Variants in TRIM67 observed in about 807,000 individuals in gnomAD.
The protein encoded by TRIM67 is tripartite motif containing 67, also known as tripartite motif-containing protein 67.
TRIM67 carries 39 observed loss-of-function variants against 71.0 expected under a neutral mutation model. The observed-to-expected ratio is 0.55, with a 90% CI of 0.43 to 0.72. The LOEUF (loss-of-function observed/expected upper bound fraction) is 0.72. TRIM67 is among the 30% of genes least tolerant of loss of function. The pLI, the probability that TRIM67 is intolerant of heterozygous loss-of-function variation, is 0.00. For missense variants in TRIM67, 973 were observed against 1,079.2 expected, an observed-to-expected ratio of 0.90 and a Z score of 1.38; for synonymous variants, 481 against 473.9, an observed-to-expected ratio of 1.01 and a Z score of -0.19.
At position 231,167,458 on chromosome 1, in the gene TRIM67, G is replaced by A. The variant is rs1163000804; in HGVS notation, c.1044+3445G>A. Among the ~76,000 whole-genome samples, 5 of 123,912 alleles carry A rather than the reference G, an allele frequency of 4.0e-5. 1 individual carries two copies. Among genetic ancestry groups the A allele is most frequent in the Middle Eastern group, 3.4e-3 (1 of 296 alleles). 81.3% of individuals were successfully genotyped at this position (123,912 alleles called of 152,430 possible). On this transcript the variant is annotated intron_variant, in intron 1 of 9. Coordinates refer to ENST00000366653, the MANE Select transcript of TRIM67 (RefSeq NM_001004342.5). ...CCGCCTCAGCCTCCCAAGTAGCTGG[G>A]ACTACAGGCGCCCGCCACTACGCCC...
At chr1:231,193,549 T>TCTCTCC (rs1491266382) in intron 1 of TRIM67, among the ~76,000 whole-genome samples, 3 of 146,008 alleles carry the variant, frequency 2.1e-5, no homozygotes, top group Non-Finnish European at 3.0e-5. Flanking sequence ...TCTCTCTCTC[T>TCTCTCC]CCTCTTGGTG....
chr1:231,220,120 C>A lies in TRIM67; in HGVS notation c.*4680C>A. 2 of 466,526 alleles carry A rather than the reference C, an allele frequency of 4.3e-6. No homozygotes were observed. Among genetic ancestry groups the A allele is most frequent in the Non-Finnish European group, 7.5e-6 (2 of 267,734 alleles). The allele number at this position is 466,526 out of a possible 1,614,324, so 28.9% of individuals were successfully genotyped here. A position where few individuals can be genotyped will look rare whatever the true frequency, so the allele number is the denominator to read the frequency against. On this transcript the variant is annotated 3_prime_UTR_variant, in exon 10 of 10. Coordinates refer to ENST00000366653, the MANE Select transcript of TRIM67 (RefSeq NM_001004342.5). ...AAAGAAAAAAAGTGCAGTCTTTCAT[C>A]TCTGGCATCTAAGCTAATGATTCCC... is the stretch of plus-strand genomic sequence containing the variant.
At position 231,221,469 on chromosome 1, in the gene TRIM67, A is replaced by G. The variant is rs1226679398; in HGVS notation, c.*6029A>G. 6.6e-6 allele frequency: 1 copy of G among 152,670 alleles called. No individual in the cohort carries two copies. The highest frequency in any genetic ancestry group is 1.5e-5 in the Non-Finnish European group (1 of 68,042). 9.5% of individuals were successfully genotyped at this position (152,670 alleles called of 1,614,324 possible). A position where few individuals can be genotyped will look rare whatever the true frequency, so the allele number is the denominator to read the frequency against. On this transcript the variant is annotated 3_prime_UTR_variant, in exon 10 of 10. Coordinates refer to ENST00000366653, the MANE Select transcript of TRIM67 (RefSeq NM_001004342.5). ...CTGTGTTTTCTGGTCTTTGGGGGTTAGTTGAACTTTCTGTATTACCTTTTG... is the reference window on the plus strand; with the variant it reads ...CTGTGTTTTCTGGTCTTTGGGGGTTGGTTGAACTTTCTGTATTACCTTTTG...
At chr1:231,187,424 C>A in intron 1 of TRIM67, 1 of 1,112,654 alleles carries the variant, frequency 9.0e-7, no homozygotes, top group Non-Finnish European at 1.2e-6. Context: ...ATTTACATTT[C>A]TCATTTATTT....
intron 1 of TRIM67, among the ~76,000 whole-genome samples, chr1:231,173,707 T>C (rs1181600456): frequency 1.3e-5 from 2 of 152,184 alleles, no homozygotes; most frequent in East Asian, 1.9e-4. Context: ...TTGAATTTAA[T>C]AGTAAGTGCT....
chr1:231,205,759 T>A (rs887201132), intron 6 of TRIM67, among the ~76,000 whole-genome samples: 12 of 150,172 alleles, frequency 8.0e-5, no homozygotes, highest in Non-Finnish European at 1.8e-4. Context: ...AAGAAAAGTA[T>A]CTTTGAGGCC....
chr1:231,211,666 G>A (rs4658903), intron 8 of TRIM67, among the ~76,000 whole-genome samples: 167 of 152,248 alleles, frequency 1.1e-3, no homozygotes, highest in Non-Finnish European at 1.9e-3. Context: ...GTGAATCCTC[G>A]CTGCTCACCT....
At chr1:231,165,329 G>A (rs1286775388) in intron 1 of TRIM67, among the ~76,000 whole-genome samples, 5 of 152,192 alleles carry the variant, frequency 3.3e-5, no homozygotes, top group Non-Finnish European at 5.9e-5. Flanking sequence ...AGCTGTATGA[G>A]TCTAGGCACA....
At position 231,219,717 on chromosome 1, in the gene TRIM67, C is replaced by T. The variant is rs186444414; in HGVS notation, c.*4277C>T. 1.2e-5 allele frequency: 14 copies of T among 1,187,018 alleles called. No homozygotes were observed. In the East Asian group the frequency reaches 6.5e-4, roughly 55 times the overall value. 73.5% of individuals were successfully genotyped at this position (1,187,018 alleles called of 1,614,324 possible). On this transcript the variant is annotated 3_prime_UTR_variant, in exon 10 of 10. Coordinates refer to ENST00000366653, the MANE Select transcript of TRIM67 (RefSeq NM_001004342.5). ...TCAATTGGTTTTTAAAAAAATCTAA[C>T]AGATCTTATTGGCAAATATTCAAGA... is the stretch of plus-strand genomic sequence containing the variant.
chr1:231,213,697 C>G, intron 8 of TRIM67, 118 bp from the exon 9 acceptor site: 1 of 1,311,802 alleles, frequency 7.6e-7, no homozygotes, highest in Non-Finnish European at 1.0e-6. Flanking sequence ...CGTCACTGCA[C>G]TCCAGCCTGG....
chr1:231,209,360 A>T lies in TRIM67; in HGVS notation c.2123+110A>T. On this transcript the variant is annotated intron_variant, in intron 8 of 9. Transcript: ENST00000366653. The surrounding 1 kb of genome is among the most constrained non-coding windows in gnomAD (Gnocchi z 4.1). ...CCCAAAGCCAGGAGGAATTGAGAGG[A>T]GGTATTTTCAGCCACTTTGGTCTCC... The T allele has an allele frequency of 8.0e-7, 1 of 1,250,568 alleles. No individual in the cohort carries two copies. Among genetic ancestry groups the T allele is most frequent in the East Asian group, 2.7e-5 (1 of 37,500 alleles). 77.5% of individuals were successfully genotyped at this position (1,250,568 alleles called of 1,614,324 possible).
intron 1 of TRIM67, among the ~76,000 whole-genome samples, chr1:231,169,252 GC>G: frequency 6.6e-6 from 1 of 150,942 alleles, no homozygotes; most frequent in Non-Finnish European, 1.5e-5. Context: ...ACAGGGTTTT[GC>G]CATGTTGGCC....
intron 1 of TRIM67, among the ~76,000 whole-genome samples, chr1:231,193,830 G>A (rs938023757): frequency 2.0e-5 from 3 of 152,106 alleles, no homozygotes; most frequent in African/African-American, 4.8e-5. Flanking sequence ...ACCAGTTCTC[G>A]TGGGGACTAA....
rs1340845792 is a variant in TRIM67, at chr1:231,220,639, TGA to T, written c.*5200_*5201del. 2 of 152,300 alleles carry T rather than the reference TGA, an allele frequency of 1.3e-5. No individual in the cohort carries two copies. Among genetic ancestry groups the T allele is most frequent in the Admixed American group, 6.5e-5 (1 of 15,290 alleles). The allele number at this position is 152,300 out of a possible 1,614,324, so 9.4% of individuals were successfully genotyped here. On this transcript the variant is annotated 3_prime_UTR_variant, in exon 10 of 10. Coordinates refer to ENST00000366653, the MANE Select transcript of TRIM67 (RefSeq NM_001004342.5). Reference sequence around the variant, plus strand: ...AGTGGGTCATCATGTCACTTTCAGATGACTGATAACCGCTGGGACTGCTGGGG... The same window carrying T: ...AGTGGGTCATCATGTCACTTTCAGATCTGATAACCGCTGGGACTGCTGGGG...
intron 1 of TRIM67, among the ~76,000 whole-genome samples, chr1:231,196,671 G>A (rs1189645653): frequency 6.6e-6 from 1 of 152,116 alleles, no homozygotes; most frequent in African/African-American, 2.4e-5. Flanking sequence ...AAAAAAGCCT[G>A]GTGCCAAAAG....
At chr1:231,202,895 T>A (rs1249440362) in intron 5 of TRIM67, among the ~76,000 whole-genome samples, 1 of 152,096 alleles carries the variant, frequency 6.6e-6, no homozygotes. Context: ...CCACTCCAGA[T>A]GCTGCTCCTA....
chr1:231,204,155 G>A, intron 6 of TRIM67, 143 bp downstream of exon 6: 1 of 1,294,910 alleles, frequency 7.7e-7, no homozygotes, highest in South Asian at 1.5e-5. Flanking sequence ...GGATAAAGAA[G>A]GCTGGCGGAG....
chr1:231,184,929 G>T, intron 1 of TRIM67: 2 of 1,240,818 alleles, frequency 1.6e-6, no homozygotes, highest in Middle Eastern at 2.7e-4. Flanking sequence ...TGAATTCAGG[G>T]CCCAACCCTG....
Position 231,162,384 on chromosome 1 carries a change from A to G in TRIM67, c.-586A>G, listed in dbSNP as rs1682309894. 6.6e-6 allele frequency: 1 copy of G among 152,208 alleles called. No homozygotes were observed. The highest frequency in any genetic ancestry group is 1.5e-5 in the Non-Finnish European group (1 of 68,046). The allele number at this position is 152,208 out of a possible 1,614,324, so 9.4% of individuals were successfully genotyped here. ...GGTGGCGGCCCAGGGGTCGGCGAGCAGGCAGCTGGAGCCCCACCTTCGGCT... is the reference window on the plus strand; with the variant it reads ...GGTGGCGGCCCAGGGGTCGGCGAGCGGGCAGCTGGAGCCCCACCTTCGGCT... On this transcript the variant is annotated 5_prime_UTR_variant, in exon 1 of 10. Transcript: ENST00000366653.
Sources: gnomAD v4.1 joint callset for allele counts (sites outside exome capture counted in the v4.1 genomes callset) on GRCh38, gnomAD v4.1.1 for gene constraint, Gnocchi (gnomAD v3.1) non-coding constraint, MANE v1.5 for transcripts, NCBI Gene and HGNC (gene_info 2026-07-23, HGNC 2026-07-21) for gene names.